Variants in PDE4D observed in about 807,000 individuals in gnomAD.
PDE4D encodes phosphodiesterase 4D.
A neutral mutation model predicts 87.4 loss-of-function variants in PDE4D; 24 were observed. The observed-to-expected ratio is 0.27, with a 90% CI of 0.20 to 0.39. The LOEUF is 0.39. Ranked by LOEUF, PDE4D falls within the 10% of genes least tolerant of loss-of-function variation. PDE4D has a pLI of 1.00. For missense variants in PDE4D, 714 were observed against 1,041.0 expected, an observed-to-expected ratio of 0.69 and a Z score of 4.32; for synonymous variants, 384 against 383.2, an observed-to-expected ratio of 1.00 and a Z score of -0.02.
chr5:59,448,111 G>A (rs1351477443), intron 1 of PDE4D, among the ~76,000 whole-genome samples: 1 of 152,198 alleles, frequency 6.6e-6, no homozygotes, highest in African/African-American at 2.4e-5. Flanking sequence ...TTAAGAAGAC[G>A]TGTATTTCTT....
At chr5:59,976,648 T>G (rs1232023248) in intron 3 of PDE4D, among the ~76,000 whole-genome samples, 1 of 152,186 alleles carries the variant, frequency 6.6e-6, no homozygotes, top group Non-Finnish European at 1.5e-5. Flanking sequence ...TATTCCTTTA[T>G]AGCCATGCAA....
chr5:59,192,988 T>A (rs1233222500), intron 3 of PDE4D, among the ~76,000 whole-genome samples: 1 of 152,220 alleles, frequency 6.6e-6, no homozygotes. Flanking sequence ...TTTTAGATCA[T>A]GTTATCACCT....
At chr5:59,034,459 G>A (rs1379950269) in intron 6 of PDE4D, among the ~76,000 whole-genome samples, 1 of 152,022 alleles carries the variant, frequency 6.6e-6, no homozygotes, top group Non-Finnish European at 1.5e-5. Flanking sequence ...TGCATAATGT[G>A]GAAATATCTT....
At chr5:59,096,935 C>A (rs1484820498) in intron 5 of PDE4D, among the ~76,000 whole-genome samples, 3 of 152,132 alleles carry the variant, frequency 2.0e-5, no homozygotes, top group Non-Finnish European at 4.4e-5. Flanking sequence ...GTGTAACAAC[C>A]ACTTATTGGT....
At chr5:59,362,853 C>T (rs779679359) in intron 1 of PDE4D, among the ~76,000 whole-genome samples, 2 of 152,152 alleles carry the variant, frequency 1.3e-5, no homozygotes, top group African/African-American at 2.4e-5. Flanking sequence ...ACCAAGAATC[C>T]CTAAATAAAA....
At chr5:59,482,520 A>C (rs1804448845) in intron 1 of PDE4D, among the ~76,000 whole-genome samples, 1 of 152,224 alleles carries the variant, frequency 6.6e-6, no homozygotes, top group South Asian at 2.1e-4. Flanking sequence ...ATATGCCCTT[A>C]GAAATTCAAG....
chr5:59,444,214 T>G (rs1402333463), intron 1 of PDE4D, among the ~76,000 whole-genome samples: 1 of 152,218 alleles, frequency 6.6e-6, no homozygotes, highest in Non-Finnish European at 1.5e-5. Flanking sequence ...CTCTGGGGTT[T>G]TTCTAAAGAT....
At chr5:59,361,616 T>C (rs1782244799) in intron 1 of PDE4D, among the ~76,000 whole-genome samples, 1 of 152,178 alleles carries the variant, frequency 6.6e-6, no homozygotes, top group African/African-American at 2.4e-5. Flanking sequence ...AGGTCTCCAC[T>C]GCACTTTGTA....
chr5:60,334,986 T>G (rs1757619813), intron 1 of PDE4D: 1 of 152,150 alleles, frequency 6.6e-6, no homozygotes, highest in South Asian at 2.1e-4. Flanking sequence ...CAGTCTCCTA[T>G]ATATAGCAAA....
At chr5:59,432,667 T>C (rs1412757412) in intron 1 of PDE4D, among the ~76,000 whole-genome samples, 2 of 152,096 alleles carry the variant, frequency 1.3e-5, no homozygotes, top group East Asian at 3.9e-4. Flanking sequence ...AGTGATTGCA[T>C]ACAGTTCCTT....
At chr5:59,771,455 A>G (rs1040583390) in intron 1 of PDE4D, among the ~76,000 whole-genome samples, 60 of 75,672 alleles carry the variant, frequency 7.9e-4, no homozygotes, top group African/African-American at 3.6e-3. Context: ...GAAAGAAAGA[A>G]AGAAAGAAAG....
chr5:59,392,376 A>G (rs1193932307), intron 1 of PDE4D, among the ~76,000 whole-genome samples: 1 of 152,012 alleles, frequency 6.6e-6, no homozygotes. Flanking sequence ...TTGGACTCCA[A>G]GTTCTTCAGT....
At chr5:60,460,054 G>C in intron 1 of PDE4D, 1 of 1,554,778 alleles carries the variant, frequency 6.4e-7, no homozygotes, top group South Asian at 1.1e-5. Context: ...ATCATCTTTG[G>C]TGACCTCTCA....
At chr5:59,709,081 A>G (rs1753844771) in intron 1 of PDE4D, among the ~76,000 whole-genome samples, 1 of 152,112 alleles carries the variant, frequency 6.6e-6, no homozygotes, top group African/African-American at 2.4e-5. Flanking sequence ...CACTCAACTA[A>G]TAGTTTTATA....
At chr5:59,080,896 T>G (rs961231652) in intron 5 of PDE4D, among the ~76,000 whole-genome samples, 1 of 152,180 alleles carries the variant, frequency 6.6e-6, no homozygotes, top group African/African-American at 2.4e-5. Context: ...TATGACTAAC[T>G]AGGTAAAATC....
At chr5:60,404,227 C>T (rs1439248063) in intron 1 of PDE4D, among the ~76,000 whole-genome samples, 1 of 148,134 alleles carries the variant, frequency 6.8e-6, no homozygotes, top group Non-Finnish European at 1.5e-5. Flanking sequence ...ACATTCATTC[C>T]TCATTTAACT....
At chr5:59,561,858 G>C (rs769460253) in intron 1 of PDE4D, among the ~76,000 whole-genome samples, 8 of 151,970 alleles carry the variant, frequency 5.3e-5, no homozygotes, top group Non-Finnish European at 1.2e-4. Context: ...CTTGAACCCG[G>C]GAGGCAGATG....
chr5:60,148,435 T>A (rs1781211125), intron 2 of PDE4D, among the ~76,000 whole-genome samples: 1 of 152,198 alleles, frequency 6.6e-6, no homozygotes, highest in Non-Finnish European at 1.5e-5. Context: ...AGAGATAAAG[T>A]GTATGGAAGA....
intron 1 of PDE4D, among the ~76,000 whole-genome samples, chr5:59,466,170 G>A (rs1416983706): frequency 6.6e-6 from 1 of 152,118 alleles, no homozygotes; most frequent in African/African-American, 2.4e-5. Flanking sequence ...TTTTAGTGTT[G>A]AAATTTTAAT....
Sources: allele counts gnomAD v4.1 joint callset (sites outside exome capture counted in the v4.1 genomes callset), GRCh38; gene constraint gnomAD v4.1.1; transcripts MANE v1.5; gene names NCBI Gene and HGNC (gene_info 2026-07-23, HGNC 2026-07-21).